Variants in RBM47 observed in about 807,000 individuals in gnomAD.
RBM47 encodes the protein RNA binding motif protein 47.
RBM47 carries 21 observed loss-of-function variants against 47.1 expected under a neutral mutation model. The ratio of observed to expected loss-of-function variants is 0.45; its 90% CI spans 0.32 to 0.64. The LOEUF is 0.64. Among genes scored for constraint, RBM47 ranks in the 30% least tolerant of loss-of-function variants. The pLI is 0.05. For missense variants in RBM47, 708 were observed against 870.9 expected (o/e 0.81, Z 2.35); for synonymous variants, 375 against 361.7 (o/e 1.04, Z -0.42).
chr4:40,455,079 G>A (rs139913766), intron 3 of RBM47, among the ~76,000 whole-genome samples: 2 of 152,232 alleles, frequency 1.3e-5, no homozygotes, highest in East Asian at 3.9e-4. Context: ...CATCCCCATC[G>A]CTTCCCCTCT....
rs556954597 is a variant in RBM47, at chr4:40,487,576, C to T, written c.-154-20877G>A. On this transcript the variant is annotated intron_variant, in intron 2 of 6. Coordinates refer to ENST00000295971, the MANE Select transcript of RBM47 (RefSeq NM_001098634.2). ...AAATTGTTGGGATAACAGGCGTCAG[C>T]CCCCATGCTTGGCCTCATCATTTCT... is the stretch of plus-strand genomic sequence containing the variant. Among the ~76,000 whole-genome samples the T allele has an allele frequency of 1.9e-4, 29 of 152,286 alleles. No homozygotes were observed. The South Asian group carries it at 6.0e-3, about 32-fold the overall frequency.
At chr4:40,598,454 C>T (rs1343949617) in intron 1 of RBM47, among the ~76,000 whole-genome samples, 1 of 152,016 alleles carries the variant, frequency 6.6e-6, no homozygotes, top group South Asian at 2.1e-4. Context: ...TGCCATGTTG[C>T]CCAGGCTGGT....
rs1577891357 is a variant in RBM47 at position 40,528,988 on chromosome 4, T to TAAG, written c.-155+15433_-155+15434insCTT. Among the ~76,000 whole-genome samples the TAAG allele has an allele frequency of 3.4e-5, 5 of 149,152 alleles. No individual in the cohort carries two copies. In the East Asian group the frequency reaches 6.0e-4, roughly 18 times the overall value. On this transcript the variant is annotated intron_variant, in intron 2 of 6. Coordinates refer to ENST00000295971, the MANE Select transcript of RBM47 (RefSeq NM_001098634.2). ...AATAAATAAATAAATAAATAAATAA[T>TAAG]AAAGAAAGAAATAATAAAACAGGGC...
chr4:40,520,505 G>A (rs1726093712), intron 2 of RBM47, among the ~76,000 whole-genome samples: 1 of 152,124 alleles, frequency 6.6e-6, no homozygotes, highest in South Asian at 2.1e-4. Flanking sequence ...GAATATCTTT[G>A]AGGCTAGTAT....
intron 2 of RBM47, chr4:40,491,695 A>G (rs1721886992): frequency 6.3e-6 from 1 of 158,372 alleles, no homozygotes; most frequent in Non-Finnish European, 1.4e-5. Flanking sequence ...ACATTTCTCT[A>G]AAGCTACACA....
chr4:40,600,478 C>A (rs1261445662), intron 1 of RBM47, among the ~76,000 whole-genome samples: 1 of 149,616 alleles, frequency 6.7e-6, no homozygotes, highest in Non-Finnish European at 1.5e-5. Flanking sequence ...ACTAAAAATA[C>A]AAAAAATTAG....
chr4:40,552,974 CTT>C (rs1196931375), intron 1 of RBM47, among the ~76,000 whole-genome samples: 1 of 147,188 alleles, frequency 6.8e-6, no homozygotes. Flanking sequence ...TTTCTTTTTT[CTT>C]TTTTTTTTTG....
intron 1 of RBM47, among the ~76,000 whole-genome samples, chr4:40,568,396 T>C (rs1327064643): frequency 1.6e-5 from 2 of 123,322 alleles, no homozygotes; most frequent in African/African-American, 6.4e-5. Flanking sequence ...GTCACAGCCC[T>C]GCAGCCTAGG....
chr4:40,497,349 T>A (rs1192462335), intron 2 of RBM47, among the ~76,000 whole-genome samples: 1 of 152,218 alleles, frequency 6.6e-6, no homozygotes, highest in African/African-American at 2.4e-5. Flanking sequence ...CCGGGCATGG[T>A]GGCTCAAGCC....
intron 1 of RBM47, among the ~76,000 whole-genome samples, chr4:40,626,241 G>GT (rs776779070): frequency 1.4e-4 from 22 of 152,174 alleles, no homozygotes; most frequent in East Asian, 9.6e-4. Flanking sequence ...GTTTTGTTTT[G>GT]TTTTTTCAGG....
chr4:40,455,483 T>C (rs1261607370), intron 3 of RBM47: 1 of 152,006 alleles, frequency 6.6e-6, no homozygotes, highest in Non-Finnish European at 1.5e-5. Flanking sequence ...ACCTGGCTGG[T>C]TGGGCGTGGT....
intron 2 of RBM47, among the ~76,000 whole-genome samples, chr4:40,495,225 C>G (rs1004851721): frequency 3.3e-5 from 5 of 152,116 alleles, no homozygotes; most frequent in African/African-American, 1.2e-4. Context: ...GACCGAGGTC[C>G]CATAGAAATC....
In RBM47 at chr4:40,606,940, GT is replaced by G. The variant is rs1453004698; in HGVS notation, c.-240+22455del. Among the ~76,000 whole-genome samples the G allele has an allele frequency of 3.3e-5, 5 of 152,088 alleles. No individual in the cohort carries two copies. The East Asian group carries it at 5.8e-4, about 18-fold the overall frequency. On this transcript the variant is annotated intron_variant, in intron 1 of 6. Coordinates refer to ENST00000295971, the MANE Select transcript of RBM47 (RefSeq NM_001098634.2). ...CGAGGCTGCAGTGAACTATTATTGT[GT>G]CACTCTACTCCAGCCTGGGCAACTG... is the stretch of plus-strand genomic sequence containing the variant.
intron 2 of RBM47, among the ~76,000 whole-genome samples, chr4:40,505,108 T>G (rs1723909810): frequency 6.6e-6 from 1 of 152,118 alleles, no homozygotes; most frequent in South Asian, 2.1e-4. Flanking sequence ...AGAGAATTGC[T>G]TGAGGCCAGG....
chr4:40,499,602 G>T (rs867047211), intron 2 of RBM47, among the ~76,000 whole-genome samples: 1 of 152,138 alleles, frequency 6.6e-6, no homozygotes, highest in African/African-American at 2.4e-5. Flanking sequence ...TAGAGACGGG[G>T]TTTCACCGTG....
At chr4:40,519,033 A>T (rs1725908858) in intron 2 of RBM47, among the ~76,000 whole-genome samples, 1 of 106,036 alleles carries the variant, frequency 9.4e-6, no homozygotes, top group South Asian at 3.3e-4. Flanking sequence ...TGTTTCTATA[A>T]AAAAAAAAAT....
chr4:40,508,972 C>T (rs890802554), intron 2 of RBM47, among the ~76,000 whole-genome samples: 1 of 152,032 alleles, frequency 6.6e-6, no homozygotes, highest in Non-Finnish European at 1.5e-5. Context: ...ACCAGCCTGG[C>T]CAACATGGTG....
intron 3 of RBM47, among the ~76,000 whole-genome samples, chr4:40,449,351 T>A (rs1715050875): frequency 6.6e-6 from 1 of 152,222 alleles, no homozygotes; most frequent in Admixed American, 6.5e-5. Context: ...TTCCGGGCCA[T>A]GCCTTCTGCC....
At chr4:40,450,130 G>T (rs1487343806) in intron 3 of RBM47, among the ~76,000 whole-genome samples, 2 of 152,118 alleles carry the variant, frequency 1.3e-5, no homozygotes, top group Non-Finnish European at 2.9e-5. Context: ...CAGTAGGAGG[G>T]ACTTCTAGTT....
Sources: gnomAD v4.1 joint callset for allele counts (sites outside exome capture counted in the v4.1 genomes callset) on GRCh38, gnomAD v4.1.1 for gene constraint, MANE v1.5 for transcripts, NCBI Gene and HGNC (gene_info 2026-07-23, HGNC 2026-07-21) for gene names.